CDH18: variants seen among roughly 807,000 people sequenced by gnomAD.
CDH18 encodes cadherin-18.
Under a neutral mutation model 67.9 loss-of-function variants are expected in CDH18, and 31 were observed. That is an observed-to-expected ratio of 0.46 (90% confidence interval 0.34 to 0.62). The LOEUF is 0.62. CDH18 is among the 20% of genes least tolerant of loss of function. The pLI, the probability that CDH18 is intolerant of heterozygous loss-of-function variation, is 0.01. For missense variants in CDH18, 890 were observed against 975.5 expected (o/e 0.91, Z 1.17); for synonymous variants, 362 against 347.2 (o/e 1.04, Z -0.48).
chr5:19,499,914 G>T lies in CDH18; in HGVS notation c.1630+3078C>A, dbSNP rs1742961606. ...TCTGATCACTCATCCTGGTTTCGGG[G>T]CTATGTCTGATTTCTGTTGTTTCTC... On this transcript the variant is annotated intron_variant, in intron 11 of 12. Transcript: ENST00000382275. Among the ~76,000 whole-genome samples, 4 of 152,072 alleles carry T rather than the reference G, an allele frequency of 2.6e-5. 1 individual carries two copies. In the South Asian group the frequency reaches 8.3e-4, roughly 31 times the overall value.
intron 1 of CDH18, among the ~76,000 whole-genome samples, chr5:20,394,790 C>T (rs1413108563): frequency 6.6e-6 from 1 of 151,918 alleles, no homozygotes; most frequent in Non-Finnish European, 1.5e-5. Context: ...ATAGAAATTT[C>T]TCAAAAGAAG....
chr5:20,334,388 C>T (rs534298608), intron 1 of CDH18, among the ~76,000 whole-genome samples: 44 of 151,838 alleles, frequency 2.9e-4, no homozygotes, highest in African/African-American at 1.0e-3. Flanking sequence ...CCGCCCGCCT[C>T]GGCCTCCCAA....
chr5:20,049,879 C>T (rs1741259488), intron 2 of CDH18, among the ~76,000 whole-genome samples: 1 of 148,004 alleles, frequency 6.8e-6, no homozygotes, highest in Admixed American at 6.7e-5. Context: ...TACAAGATGA[C>T]CAAGAAGAGA....
At chr5:20,571,318 C>A (rs1002923640) in intron 1 of CDH18, among the ~76,000 whole-genome samples, 1 of 152,034 alleles carries the variant, frequency 6.6e-6, no homozygotes, top group Non-Finnish European at 1.5e-5. Context: ...GTCTTATTTT[C>A]AATTTTAGCC....
At chr5:20,203,373 T>C (rs908188874) in intron 2 of CDH18, among the ~76,000 whole-genome samples, 1 of 152,140 alleles carries the variant, frequency 6.6e-6, no homozygotes, top group African/African-American at 2.4e-5. Flanking sequence ...TGGCAGTTGT[T>C]CCACAGCATC....
intron 4 of CDH18, among the ~76,000 whole-genome samples, chr5:19,743,865 G>A (rs1293682058): frequency 2.2e-5 from 3 of 139,094 alleles, no homozygotes; most frequent in Non-Finnish European, 4.5e-5. Flanking sequence ...AGGTTGAAGT[G>A]AGCCGAGATC....
chr5:19,847,426 G>A lies in CDH18; in HGVS notation c.-256-8184C>T, dbSNP rs1260114683. ...TTGCACTAAAATTTTCAGTTTAGTT[G>A]TATTATTCAGATCCCAAACTCTTGC... On this transcript the variant is annotated intron_variant, in intron 2 of 12. Transcript: ENST00000382275. Among the ~76,000 whole-genome samples the A allele has an allele frequency of 3.3e-5, 5 of 152,028 alleles. No individual in the cohort carries two copies. In the East Asian group the frequency reaches 5.8e-4, roughly 18 times the overall value.
chr5:20,209,389 GT>G lies in CDH18; in HGVS notation c.-518+46054del, dbSNP rs145995987. Among the ~76,000 whole-genome samples, 2,889 of 152,086 alleles carry G rather than the reference GT, an allele frequency of 0.019. 225 individuals carry two copies. In the East Asian group the frequency reaches 0.28, roughly 15 times the overall value. On this transcript the variant is annotated intron_variant, in intron 2 of 14. Transcript: ENST00000507958. The stretch of plus-strand genomic sequence containing the variant: ...TGGGGGAATGGATAAAGAAAATATG[GT>G]TTTATACACAATAGCCTATTATTCA...
chr5:19,793,213 G>C (rs1053588264), intron 3 of CDH18, among the ~76,000 whole-genome samples: 1 of 152,136 alleles, frequency 6.6e-6, no homozygotes, highest in African/African-American at 2.4e-5. Context: ...AGTTCAGATA[G>C]TGATTCAGGG....
chr5:19,571,472 A>T (rs1741374886), intron 8 of CDH18, 107 bp downstream of exon 8: 2 of 1,015,420 alleles, frequency 2.0e-6, no homozygotes, highest in Admixed American at 2.5e-5. Context: ...ATATTCGTAG[A>T]AAACAACGTA....
chr5:20,531,172 A>T (rs766426718), intron 1 of CDH18, among the ~76,000 whole-genome samples: 3 of 152,156 alleles, frequency 2.0e-5, no homozygotes, highest in Non-Finnish European at 4.4e-5. Flanking sequence ...AGAATTGCAA[A>T]TTAAAACCAC....
At chr5:20,336,337 GAGA>G (rs1272905270) in intron 1 of CDH18, among the ~76,000 whole-genome samples, 3 of 152,116 alleles carry the variant, frequency 2.0e-5, no homozygotes, top group Non-Finnish European at 2.9e-5. Flanking sequence ...AGAGTCTCAG[GAGA>G]AGGACAGAGA....
intron 1 of CDH18, among the ~76,000 whole-genome samples, chr5:20,491,803 G>C (rs1753603049): frequency 6.6e-6 from 1 of 152,110 alleles, no homozygotes; most frequent in Non-Finnish European, 1.5e-5. Flanking sequence ...AATTATGTTT[G>C]ACCAAATATC....
intron 1 of CDH18, among the ~76,000 whole-genome samples, chr5:20,334,234 C>T (rs1352051073): frequency 1.3e-5 from 2 of 148,248 alleles, no homozygotes; most frequent in African/African-American, 2.5e-5. Flanking sequence ...CTGGGGTTCA[C>T]GCCATTCTCC....
chr5:20,509,165 T>G (rs1754858268), intron 1 of CDH18, among the ~76,000 whole-genome samples: 1 of 152,172 alleles, frequency 6.6e-6, no homozygotes, highest in Non-Finnish European at 1.5e-5. Context: ...ATAGTCCCCA[T>G]GTTGTACAAT....
intron 3 of CDH18, among the ~76,000 whole-genome samples, chr5:19,777,579 C>CA (rs1561280119): frequency 6.6e-6 from 1 of 152,104 alleles, no homozygotes; most frequent in Non-Finnish European, 1.5e-5. Flanking sequence ...GAATTAGGGC[C>CA]TAAATTGTTG....
intron 2 of CDH18, among the ~76,000 whole-genome samples, chr5:19,874,097 A>C (rs1394231360): frequency 6.6e-6 from 1 of 152,236 alleles, no homozygotes; most frequent in Non-Finnish European, 1.5e-5. Flanking sequence ...ACAATATTAT[A>C]AAATGTAAAT....
At chr5:20,399,204 T>C (rs1006855415) in intron 1 of CDH18, among the ~76,000 whole-genome samples, 3 of 152,046 alleles carry the variant, frequency 2.0e-5, no homozygotes, top group Admixed American at 6.6e-5. Flanking sequence ...AGAAATGAAA[T>C]AAGTGAATGG....
intron 4 of CDH18, among the ~76,000 whole-genome samples, chr5:19,736,787 T>C (rs1355749127): frequency 1.3e-5 from 2 of 152,194 alleles, no homozygotes; most frequent in African/African-American, 4.8e-5. Flanking sequence ...CAATATTCCA[T>C]GGTGTCTCTG....
Sources: allele counts gnomAD v4.1 joint callset (sites outside exome capture counted in the v4.1 genomes callset), GRCh38; gene constraint gnomAD v4.1.1; transcripts MANE v1.5; gene names NCBI Gene and HGNC (gene_info 2026-07-23, HGNC 2026-07-21).